Variants in BLTP1 observed in about 807,000 individuals in gnomAD.
BLTP1 encodes the protein fragile site-associated protein.
the BLTP1 span, among the ~76,000 whole-genome samples, chr4:122,165,303 A>G: frequency 6.6e-6 from 1 of 151,524 alleles, no homozygotes; most frequent in Non-Finnish European, 1.5e-5. Context: ...ATTCCCACCT[A>G]TGAGTGAGAA....
the BLTP1 span, chr4:122,257,353 A>T: frequency 6.2e-7 from 1 of 1,614,104 alleles, no homozygotes; most frequent in South Asian, 1.1e-5. Flanking sequence ...CCTTTAAAGG[A>T]GTTAGCTTAC....
At chr4:122,273,644 A>G in the BLTP1 span, among the ~76,000 whole-genome samples, 1 of 152,036 alleles carries the variant, frequency 6.6e-6, no homozygotes, top group Non-Finnish European at 1.5e-5. Context: ...AATAGCTTTT[A>G]TCAGTAGTCT....
chr4:122,187,132 A>G, the BLTP1 span: 1 of 984,226 alleles, frequency 1.0e-6, no homozygotes, highest in Non-Finnish European at 1.2e-6. Flanking sequence ...AAAATGGTAG[A>G]TGTAATGACA....
At chr4:122,179,409 C>T in the BLTP1 span, among the ~76,000 whole-genome samples, 1 of 152,066 alleles carries the variant, frequency 6.6e-6, no homozygotes, top group African/African-American at 2.4e-5. Flanking sequence ...AATAATATTC[C>T]AGCCAAAGAC....
the BLTP1 span, chr4:122,259,867 A>C: frequency 1.1e-6 from 1 of 907,030 alleles, no homozygotes; most frequent in Non-Finnish European, 1.3e-6. Context: ...TCAAAAAAAA[A>C]AAATTTTAAC....
chr4:122,167,119 T>C, the BLTP1 span, among the ~76,000 whole-genome samples: 46 of 152,314 alleles, frequency 3.0e-4, no homozygotes, highest in African/African-American at 1.1e-3. Context: ...ATTGAGGTGT[T>C]GTTGCTCTCA....
the BLTP1 span, among the ~76,000 whole-genome samples, chr4:122,205,499 T>TTCTCTCTC: frequency 7.1e-6 from 1 of 140,826 alleles, no homozygotes; most frequent in African/African-American, 2.7e-5. Flanking sequence ...TTCCAATTGT[T>TTCTCTCTC]TCTCTCTCTC....
the BLTP1 span, chr4:122,308,236 T>C: frequency 6.8e-7 from 1 of 1,472,042 alleles, no homozygotes; most frequent in Non-Finnish European, 9.3e-7. Flanking sequence ...ATTTAGAATA[T>C]AACAGTACAT....
chr4:122,215,522 C>T, the BLTP1 span: 1 of 985,170 alleles, frequency 1.0e-6, no homozygotes, highest in Admixed American at 6.2e-5. Context: ...TTTCTGGGGG[C>T]CATTTACAGA....
chr4:122,254,731 C>T, the BLTP1 span: 9 of 1,376,680 alleles, frequency 6.5e-6, no homozygotes, highest in East Asian at 1.0e-4. Flanking sequence ...CCACTAAGTA[C>T]AGTAGGTATG....
At chr4:122,300,489 A>T in the BLTP1 span, among the ~76,000 whole-genome samples, 1 of 151,708 alleles carries the variant, frequency 6.6e-6, no homozygotes, top group Non-Finnish European at 1.5e-5. Context: ...TCTTGGTCTT[A>T]TCTTGGATGT....
the BLTP1 span, among the ~76,000 whole-genome samples, chr4:122,217,943 G>A: frequency 4.6e-5 from 7 of 151,978 alleles, no homozygotes; most frequent in African/African-American, 1.4e-4. Context: ...TAATCTAGGA[G>A]GGTTGCATAT....
chr4:122,254,328 A>T, the BLTP1 span: 1 of 1,608,626 alleles, frequency 6.2e-7, no homozygotes, highest in Non-Finnish European at 8.5e-7. Context: ...GTGAGATCTC[A>T]CACACATGCA....
At chr4:122,289,288 C>A in the BLTP1 span, 1 of 910,004 alleles carries the variant, frequency 1.1e-6, no homozygotes, top group Non-Finnish European at 1.6e-6. Context: ...ATTGATCCAG[C>A]ATTTGGATAT....
At chr4:122,241,200 A>G in the BLTP1 span, among the ~76,000 whole-genome samples, 1 of 152,294 alleles carries the variant, frequency 6.6e-6, no homozygotes. Context: ...GGAATTGAAG[A>G]TAGGAGGACC....
the BLTP1 span, among the ~76,000 whole-genome samples, chr4:122,279,005 T>C: frequency 6.6e-6 from 1 of 152,224 alleles, no homozygotes; most frequent in Non-Finnish European, 1.5e-5. Flanking sequence ...ACTTTAGTTT[T>C]AGTATTGTAC....
chr4:122,208,581 TA>T, the BLTP1 span: 18 of 971,108 alleles, frequency 1.9e-5, no homozygotes, highest in African/African-American at 3.2e-4. Flanking sequence ...AAAGTTTTTT[TA>T]AAAACTGAAC....
chr4:122,251,174 A>G, the BLTP1 span: 2 of 926,550 alleles, frequency 2.2e-6, no homozygotes, highest in Non-Finnish European at 2.6e-6. Context: ...TAATAGGAGT[A>G]TGGTCATGTT....
the BLTP1 span, chr4:122,309,585 G>A: frequency 1.0e-6 from 1 of 976,802 alleles, no homozygotes; most frequent in East Asian, 2.6e-5. Flanking sequence ...AGAAAGAAGG[G>A]CTATTTCTAG....
Sources: gnomAD v4.1 joint callset for allele counts (sites outside exome capture counted in the v4.1 genomes callset) on GRCh38, gnomAD v4.1.1 for gene constraint, MANE v1.5 for transcripts, NCBI Gene and HGNC (gene_info 2026-07-23, HGNC 2026-07-21) for gene names.